The following TEX11 variants were observed in gnomAD, a reference collection of about 807,000 sequenced individuals.
The protein encoded by TEX11 is testis-expressed protein 11.
A neutral mutation model predicts 84.4 loss-of-function variants in TEX11; 7 were observed. The observed-to-expected ratio is 0.08, with a 90% CI of 0.05 to 0.16. The LOEUF (loss-of-function observed/expected upper bound fraction) is 0.16, where lower values mean the gene tolerates loss of function less well. TEX11 is among the 10% of genes least tolerant of loss of function. The pLI is 1.00. For missense variants in TEX11, 551 were observed against 660.5 expected (o/e 0.83, Z 1.82); for synonymous variants, 264 against 222.8 (o/e 1.18, Z -1.64).
intron 25 of TEX11, among the ~76,000 whole-genome samples, chrX:70,584,581 T>C (rs754986838): frequency 9.0e-6 from 1 of 111,171 alleles, no homozygotes; most frequent in East Asian, 2.8e-4. Flanking sequence ...TAAAGCCAAA[T>C]GTAGACATCA....
At chrX:70,611,943 C>T (rs1322788647) in intron 20 of TEX11, among the ~76,000 whole-genome samples, 1 of 111,050 alleles carries the variant, frequency 9.0e-6, no homozygotes, top group East Asian at 2.8e-4. Context: ...TGAGACTAGT[C>T]TGGGCAACAC....
intron 5 of TEX11, among the ~76,000 whole-genome samples, chrX:70,859,515 GA>G (rs1344718029): frequency 4.9e-5 from 5 of 101,212 alleles, no homozygotes; most frequent in African/African-American, 1.8e-4. Flanking sequence ...CTGAGAGGTG[GA>G]GGCTGCAGTG....
intron 9 of TEX11, among the ~76,000 whole-genome samples, chrX:70,750,048 T>G (rs2090802684): frequency 9.0e-6 from 1 of 110,583 alleles, no homozygotes; most frequent in Non-Finnish European, 1.9e-5. Flanking sequence ...ATATCCAGAA[T>G]CTACAAAGAA....
intron 25 of TEX11, among the ~76,000 whole-genome samples, chrX:70,563,174 G>A (rs760490147): frequency 9.0e-6 from 1 of 111,545 alleles, no homozygotes; most frequent in Admixed American, 9.6e-5. Flanking sequence ...ACACAGGGCA[G>A]GGGTTATTAA....
chrX:70,743,871 AACACACAC>A (rs60520158), intron 10 of TEX11, among the ~76,000 whole-genome samples: 6,829 of 87,647 alleles, frequency 0.078, 602 homozygotes, highest in African/African-American at 0.24. Context: ...TCTATCTCAA[AACACACAC>A]ACACACACAC....
At chrX:70,515,671 T>G in the TEX11 span, among the ~76,000 whole-genome samples, 1 of 112,421 alleles carries the variant, frequency 8.9e-6, no homozygotes, top group South Asian at 3.7e-4. Flanking sequence ...GTATTTCTAG[T>G]TCTAGATCCT....
chrX:70,674,977 G>A (rs1361749208), intron 15 of TEX11, among the ~76,000 whole-genome samples: 1 of 110,178 alleles, frequency 9.1e-6, no homozygotes, highest in Non-Finnish European at 1.9e-5. Flanking sequence ...CTATTTTAAT[G>A]GTTGTTTTAG....
intron 8 of TEX11, among the ~76,000 whole-genome samples, chrX:70,817,306 A>G (rs1602152569): frequency 9.2e-6 from 1 of 108,365 alleles, no homozygotes; most frequent in South Asian, 4.1e-4. Context: ...TTCCACTGTG[A>G]GGGTCTGAGA....
intron 9 of TEX11, among the ~76,000 whole-genome samples, chrX:70,756,334 G>A (rs1160397183): frequency 2.7e-5 from 3 of 112,201 alleles, no homozygotes; most frequent in Non-Finnish European, 5.6e-5. Flanking sequence ...AGATCCCTGT[G>A]TAGCCTGACT....
chrX:70,588,158 T>C (rs920292474), intron 25 of TEX11, among the ~76,000 whole-genome samples: 3 of 112,043 alleles, frequency 2.7e-5, no homozygotes, highest in East Asian at 2.8e-4. Flanking sequence ...CATGGACTTA[T>C]GAGTTAATGC....
intron 17 of TEX11, among the ~76,000 whole-genome samples, chrX:70,648,516 G>T (rs887139556): frequency 2.7e-5 from 3 of 110,639 alleles, no homozygotes; most frequent in Non-Finnish European, 5.7e-5. Context: ...AAGACAACTT[G>T]TATCCAGAAT....
At chrX:70,873,411 T>G in intron 3 of TEX11, 104 bp from the exon 4 acceptor site, 1 of 559,072 alleles carries the variant, frequency 1.8e-6, no homozygotes, top group Non-Finnish European at 3.0e-6. Context: ...TGTGGGTCAT[T>G]TCCAGGCCCT....
chrX:70,558,680 T>C (rs993147848), intron 25 of TEX11, among the ~76,000 whole-genome samples: 1 of 111,700 alleles, frequency 9.0e-6, no homozygotes, highest in African/African-American at 3.2e-5. Context: ...ATCAAAGACA[T>C]GTATCTAGAA....
At chrX:70,569,253 C>G (rs1210976215) in intron 25 of TEX11, among the ~76,000 whole-genome samples, 4 of 112,103 alleles carry the variant, frequency 3.6e-5, no homozygotes, top group African/African-American at 1.3e-4. Flanking sequence ...GCTTTCAGCT[C>G]CATCAGCTCC....
intron 28 of TEX11, among the ~76,000 whole-genome samples, chrX:70,532,053 G>A (rs2087895095): frequency 8.9e-6 from 1 of 111,898 alleles, no homozygotes; most frequent in African/African-American, 3.2e-5. Flanking sequence ...CTAGTGTCAT[G>A]AGAAATGTTA....
chrX:70,577,241 G>A lies in TEX11; in HGVS notation c.2140+14510C>T, dbSNP rs184914461. ...AACTCCAGCACAGTTTATACACAAA[G>A]ATACTACATGAAAATGGGATGGAAG... On this transcript the variant is annotated intron_variant, in intron 25 of 29. Transcript: ENST00000374333. 5.8e-3 allele frequency among the ~76,000 whole-genome samples: 640 copies of A among 110,698 alleles called. 2 individuals are homozygous for A. The highest frequency in any genetic ancestry group is 0.051 in the Middle Eastern group (11 of 216).
chrX:70,704,140 G>T (rs947530405), intron 13 of TEX11, among the ~76,000 whole-genome samples: 2 of 105,560 alleles, frequency 1.9e-5, no homozygotes, highest in African/African-American at 7.0e-5. Flanking sequence ...TCTCTCTCCT[G>T]TTCTGCCATG....
chrX:70,570,636 GT>G (rs1409291267), intron 25 of TEX11, among the ~76,000 whole-genome samples: 2 of 111,790 alleles, frequency 1.8e-5, no homozygotes, highest in Non-Finnish European at 3.8e-5. Context: ...GGTATTTAAG[GT>G]TGCATTTCTT....
the TEX11 span, among the ~76,000 whole-genome samples, chrX:70,512,993 C>A: frequency 2.8e-5 from 3 of 108,697 alleles, no homozygotes; most frequent in African/African-American, 6.8e-5. Context: ...GCAGAAAATT[C>A]AAGGACTTGG....
Sources: gnomAD v4.1 joint callset for allele counts (sites outside exome capture counted in the v4.1 genomes callset) on GRCh38, gnomAD v4.1.1 for gene constraint, MANE v1.5 for transcripts, NCBI Gene and HGNC (gene_info 2026-07-23, HGNC 2026-07-21) for gene names.